Variants in PUS7 observed in about 807,000 individuals in gnomAD.
PUS7 encodes pseudouridine synthase 7.
A neutral mutation model predicts 79.8 loss-of-function variants in PUS7; 48 were observed. The observed-to-expected ratio is 0.60, with a 90% confidence interval of 0.48 to 0.76. PUS7 has a LOEUF of 0.76. Among genes scored for constraint, PUS7 ranks in the 30% least tolerant of loss-of-function variants. The pLI, the probability that PUS7 is intolerant of heterozygous loss-of-function variation, is 0.00. For synonymous variants in PUS7, 286 were observed against 272.2 expected, an observed-to-expected ratio of 1.05 and a Z score of -0.50; for missense variants, 729 against 797.6, an observed-to-expected ratio of 0.91 and a Z score of 1.04.
At chr7:105,495,080 G>A in intron 6 of PUS7, 62 bp downstream of exon 6, 1 of 936,640 alleles carries the variant, frequency 1.1e-6, no homozygotes, top group Admixed American at 2.3e-5. Context: ...CCATTAGCAT[G>A]GAAAAAGGAA....
chr7:105,515,905 G>A (rs1825878170), intron 1 of PUS7, among the ~76,000 whole-genome samples: 1 of 151,882 alleles, frequency 6.6e-6, no homozygotes, highest in Non-Finnish European at 1.5e-5. Context: ...TGCTTCCTGG[G>A]TTCAAACGAT....
chr7:105,465,233 C>T, intron 13 of PUS7, 80 bp downstream of exon 13: 1 of 1,026,864 alleles, frequency 9.7e-7, no homozygotes, highest in South Asian at 1.6e-5. Flanking sequence ...TCATAAATAA[C>T]CAAAGTTTAT....
chr7:105,480,871 T>C (rs1337494060), intron 9 of PUS7, among the ~76,000 whole-genome samples, 181 bp downstream of exon 9: 1 of 152,180 alleles, frequency 6.6e-6, no homozygotes, highest in East Asian at 1.9e-4. Flanking sequence ...TTTCAGGTCA[T>C]ATCCTTTTGA....
intron 15 of PUS7, among the ~76,000 whole-genome samples, 174 bp from the exon 16 acceptor site, chr7:105,458,100 T>G (rs1228018955): frequency 6.6e-6 from 1 of 152,094 alleles, no homozygotes; most frequent in Non-Finnish European, 1.5e-5. Flanking sequence ...AGTGTGAACC[T>G]GCTGAATGGT....
At chr7:105,512,410 A>G (rs1229795562) in intron 1 of PUS7, among the ~76,000 whole-genome samples, 1 of 152,182 alleles carries the variant, frequency 6.6e-6, no homozygotes, top group Non-Finnish European at 1.5e-5. Context: ...AATGAAGGAG[A>G]CAAAAATGGA....
chr7:105,472,747 ATTAT>A (rs1322432985), intron 9 of PUS7, among the ~76,000 whole-genome samples: 6 of 151,960 alleles, frequency 3.9e-5, no homozygotes, highest in Non-Finnish European at 7.4e-5. Flanking sequence ...AACACATGGT[ATTAT>A]TTATTTATTA....
At chr7:105,518,097 G>A (rs1262776168) in intron 1 of PUS7, among the ~76,000 whole-genome samples, 1 of 150,614 alleles carries the variant, frequency 6.6e-6, no homozygotes, top group Non-Finnish European at 1.5e-5. Context: ...GCAGTGAGCC[G>A]AGATTGCGCC....
intron 7 of PUS7, among the ~76,000 whole-genome samples, chr7:105,484,527 A>G (rs537238948): frequency 6.3e-4 from 85 of 134,282 alleles, no homozygotes; most frequent in African/African-American, 2.1e-3. Flanking sequence ...AAAAAAAAAA[A>G]TAGCTCTGGG....
At chr7:105,494,402 A>ATTTTTTTT (rs756519297) in intron 6 of PUS7, among the ~76,000 whole-genome samples, 1 of 87,800 alleles carries the variant, frequency 1.1e-5, no homozygotes, top group Non-Finnish European at 2.2e-5. Flanking sequence ...ATGATCAGTG[A>ATTTTTTTT]TTTTTTTTTT....
At position 105,506,255 on chromosome 7, in the gene PUS7, A is replaced by T; in HGVS notation, c.417T>A (p.Val139=). The T allele has an allele frequency of 6.2e-7, 1 of 1,612,636 alleles. No individual in the cohort carries two copies. Among genetic ancestry groups the T allele is most frequent in the Non-Finnish European group, 8.5e-7 (1 of 1,179,238 alleles). The part of the protein sequence containing the change: ...ILKERYSDFV[V]HEIGKDGRIS... ...TCCGTCCATCTTTTCCTATTTCATG[A>T]ACAACGAAGTCGGAGTATCTGATGA... is the stretch of plus-strand genomic sequence containing the variant. The change falls in exon 3 of 16, where the codon GTT becomes GTA. Residue 139 remains valine (V), a synonymous_variant. Transcript: ENST00000469408.
intron 7 of PUS7, among the ~76,000 whole-genome samples, chr7:105,488,823 C>G (rs967810942): frequency 6.6e-6 from 1 of 152,060 alleles, no homozygotes; most frequent in Non-Finnish European, 1.5e-5. Flanking sequence ...TTATGGCAGG[C>G]CTTTCATTTT....
intron 15 of PUS7, 118 bp from the exon 16 acceptor site, chr7:105,458,044 C>A: frequency 8.8e-7 from 1 of 1,131,282 alleles, no homozygotes; most frequent in Non-Finnish European, 1.2e-6. Context: ...GACTCCACTT[C>A]CTAGGGGGCC....
intron 1 of PUS7, among the ~76,000 whole-genome samples, chr7:105,516,546 C>A (rs761062862): frequency 6.6e-6 from 1 of 151,788 alleles, no homozygotes; most frequent in Non-Finnish European, 1.5e-5. Context: ...CTCCACCTCC[C>A]GGGTTCAAGT....
At chr7:105,496,200 T>C (rs1449746509) in intron 5 of PUS7, among the ~76,000 whole-genome samples, 1,648 of 65,746 alleles carry the variant, frequency 0.025, 13 homozygotes, top group South Asian at 0.09. Context: ...CACACACATA[T>C]ATATATATAT....
intron 1 of PUS7, among the ~76,000 whole-genome samples, 180 bp from the exon 2 acceptor site, chr7:105,508,724 T>C (rs1248458230): frequency 2.1e-5 from 3 of 144,304 alleles, no homozygotes; most frequent in Non-Finnish European, 3.0e-5. Flanking sequence ...TACTAAATAT[T>C]AGTTAGGCGT....
At chr7:105,476,280 A>C (rs572641983) in intron 9 of PUS7, among the ~76,000 whole-genome samples, 10 of 152,252 alleles carry the variant, frequency 6.6e-5, no homozygotes, top group African/African-American at 2.4e-4. Flanking sequence ...ACATGAGTGT[A>C]CAAATATCTG....
intron 1 of PUS7, among the ~76,000 whole-genome samples, chr7:105,508,955 C>A (rs35672975): frequency 7.3e-6 from 1 of 137,858 alleles, no homozygotes; most frequent in Admixed American, 7.8e-5. Context: ...CCGAGGTGGG[C>A]GGATCACAAG....
chr7:105,505,334 C>G (rs1825412366), intron 4 of PUS7, among the ~76,000 whole-genome samples: 1 of 152,132 alleles, frequency 6.6e-6, no homozygotes, highest in Non-Finnish European at 1.5e-5. Flanking sequence ...ATTTACTATT[C>G]TACTTAGTAG....
At chr7:105,465,008 G>A (rs977216321) in intron 13 of PUS7, among the ~76,000 whole-genome samples, 7 of 151,890 alleles carry the variant, frequency 4.6e-5, no homozygotes, top group South Asian at 2.1e-4. Context: ...TAGTAGAGAC[G>A]GGGTTTTGCC....
Sources: gnomAD v4.1 joint callset for allele counts (sites outside exome capture counted in the v4.1 genomes callset) on GRCh38, gnomAD v4.1.1 for gene constraint, MANE v1.5 for transcripts, NCBI Gene and HGNC (gene_info 2026-07-23, HGNC 2026-07-21) for gene names.